Variants in EXOC2 observed in about 807,000 individuals in gnomAD.
EXOC2 encodes SEC5-like 1.
Under a neutral mutation model 131.8 loss-of-function variants are expected in EXOC2, and 70 were observed. The observed-to-expected ratio is 0.53, with a 90% CI of 0.44 to 0.65. EXOC2 has a LOEUF of 0.65. Ranked by LOEUF, EXOC2 falls within the 30% of genes least tolerant of loss-of-function variation. EXOC2 has a pLI of 0.00. For synonymous variants in EXOC2, 411 were observed against 398.4 expected (o/e 1.03, Z -0.38); for missense variants, 923 against 1,108.6 (o/e 0.83, Z 2.38).
chr6:555,538 T>C (rs1447187815), intron 19 of EXOC2, among the ~76,000 whole-genome samples: 1 of 152,186 alleles, frequency 6.6e-6, no homozygotes, highest in East Asian at 1.9e-4. Context: ...AATTATTAAG[T>C]TTGTAAAGAT....
At chr6:489,139 G>C in intron 26 of EXOC2, 101 bp from the exon 27 acceptor site, 1 of 1,074,284 alleles carries the variant, frequency 9.3e-7, no homozygotes, top group East Asian at 2.6e-5. Context: ...ATAAAAGCCA[G>C]TGAAGCAAGG....
At chr6:551,968 G>A (rs1483473923) in intron 21 of EXOC2, among the ~76,000 whole-genome samples, 1 of 152,306 alleles carries the variant, frequency 6.6e-6, no homozygotes, top group Non-Finnish European at 1.5e-5. Context: ...TGAGGGTAGG[G>A]TTCCCCAGCT....
intron 22 of EXOC2, among the ~76,000 whole-genome samples, chr6:545,247 T>C (rs1321979685): frequency 6.6e-6 from 1 of 151,760 alleles, no homozygotes; most frequent in Non-Finnish European, 1.5e-5. Context: ...AATCTGGAAG[T>C]ATACAAATTC....
At chr6:579,985 T>A (rs963799084) in intron 11 of EXOC2, among the ~76,000 whole-genome samples, 2 of 149,746 alleles carry the variant, frequency 1.3e-5, no homozygotes, top group Non-Finnish European at 3.0e-5. Context: ...ATGACAGCAA[T>A]ATCTCATTTA....
intron 1 of EXOC2, among the ~76,000 whole-genome samples, chr6:675,921 C>A (rs1357349895): frequency 2.7e-5 from 3 of 111,286 alleles, no homozygotes; most frequent in African/African-American, 6.3e-5. Flanking sequence ...CTGGAGACTG[C>A]GGTTTCCCAT....
intron 1 of EXOC2, among the ~76,000 whole-genome samples, chr6:643,243 C>T (rs561792318): frequency 1.3e-5 from 2 of 152,176 alleles, no homozygotes; most frequent in Admixed American, 1.3e-4. Flanking sequence ...ATGAACAGCA[C>T]TGTTGGTCAT....
At chr6:499,363 A>G (rs1408505942) in intron 24 of EXOC2, among the ~76,000 whole-genome samples, 2 of 152,064 alleles carry the variant, frequency 1.3e-5, no homozygotes, top group African/African-American at 4.8e-5. Context: ...TTCACCTTTC[A>G]AATATTTATG....
intron 21 of EXOC2, among the ~76,000 whole-genome samples, chr6:549,686 C>T (rs1757044939): frequency 1.3e-5 from 2 of 152,138 alleles, no homozygotes; most frequent in Non-Finnish European, 2.9e-5. Context: ...TTTTTAATAA[C>T]TAATTACATT....
intron 4 of EXOC2, among the ~76,000 whole-genome samples, chr6:626,768 T>C (rs1053920372): frequency 2.6e-5 from 4 of 152,052 alleles, no homozygotes; most frequent in African/African-American, 9.7e-5. Context: ...ATTTTTTGTA[T>C]TTTTAGTAGA....
Position 532,570 on chromosome 6 carries a change from AAG to A in EXOC2, c.2277_2278del (p.Phe760Ter). 1.2e-6 allele frequency: 2 copies of A among 1,608,930 alleles called. No individual in the cohort carries two copies. The highest frequency in any genetic ancestry group is 1.7e-6 in the Non-Finnish European group (2 of 1,178,392). ...TGCTTTCAACTCGATGTAATTTTCA[AAG>A]AGTCTTTGATCTAGTTCTTTCAATG... On this transcript the variant is annotated frameshift_variant, in exon 23 of 28. Coordinates refer to ENST00000230449, the MANE Select transcript of EXOC2 (RefSeq NM_018303.6). LOFTEE classifies it high-confidence loss of function.
chr6:681,309 TGG>T (rs1398589204), intron 1 of EXOC2, among the ~76,000 whole-genome samples: 1 of 152,220 alleles, frequency 6.6e-6, no homozygotes, highest in Non-Finnish European at 1.5e-5. Context: ...CGGTCACCTC[TGG>T]GTGACAAGAG....
chr6:690,493 G>A (rs531295037), intron 1 of EXOC2, among the ~76,000 whole-genome samples: 6 of 152,184 alleles, frequency 3.9e-5, no homozygotes, highest in Admixed American at 1.3e-4. Context: ...GGTGGATCAC[G>A]AGGTCCACCG....
chr6:617,827 T>G lies in EXOC2; in HGVS notation c.545A>C (p.Gln182Pro), dbSNP rs772460300. Residue 182 changes from glutamine to proline, a missense_variant, in exon 6 of 28, where the codon CAG (glutamine) becomes CCG (proline). Transcript: ENST00000230449. ...IENHSNTSFE[Q>P]LKMAVTNLKR... ...TAGGTTGGTGACTGCCATTTTGAGC[T>G]GCTCAAAACTGAAATGAAATAAAGA... 8.1e-6 allele frequency: 13 copies of G among 1,611,198 alleles called. No homozygotes were observed. The South Asian group carries it at 1.4e-4, about 18-fold the overall frequency.
At chr6:501,948 A>G (rs1764227904) in intron 23 of EXOC2, among the ~76,000 whole-genome samples, 1 of 151,920 alleles carries the variant, frequency 6.6e-6, no homozygotes, top group Non-Finnish European at 1.5e-5. Flanking sequence ...TCGTCTGGAG[A>G]CCAGAGAGGC....
intron 23 of EXOC2, among the ~76,000 whole-genome samples, chr6:509,496 T>C (rs928303300): frequency 1.3e-5 from 2 of 152,202 alleles, no homozygotes; most frequent in African/African-American, 4.8e-5. Flanking sequence ...TATATGCTCC[T>C]CCTCAGCTAT....
At chr6:570,935 A>G (rs1219536044) in intron 13 of EXOC2, among the ~76,000 whole-genome samples, 2 of 152,224 alleles carry the variant, frequency 1.3e-5, no homozygotes, top group Non-Finnish European at 2.9e-5. Context: ...GTCACTGTGC[A>G]GAGGGCAAGG....
intron 13 of EXOC2, among the ~76,000 whole-genome samples, chr6:565,958 G>C (rs751187636): frequency 6.2e-4 from 95 of 152,254 alleles, no homozygotes; most frequent in Non-Finnish European, 7.8e-4. Context: ...AGAACTATCA[G>C]ACAAACCTGA....
Position 598,710 on chromosome 6 carries a change from C to T in EXOC2, c.970+150G>A. 1.6e-5 allele frequency: 8 copies of T among 503,704 alleles called. 1 individual carries two copies. The highest frequency in any genetic ancestry group is 7.6e-5 in the South Asian group (3 of 39,502). The allele number at this position is 503,704 out of a possible 1,614,324, so 31.2% of individuals were successfully genotyped here. On this transcript the variant is annotated intron_variant, in intron 9 of 27. Coordinates refer to ENST00000230449, the MANE Select transcript of EXOC2 (RefSeq NM_018303.6). ...TGCGTATCAAATAAGAAAAGTCATACTGTTATTTCTGAAGTAATTGCTTTA... is the reference window on the plus strand; with the variant it reads ...TGCGTATCAAATAAGAAAAGTCATATTGTTATTTCTGAAGTAATTGCTTTA...
intron 22 of EXOC2, among the ~76,000 whole-genome samples, chr6:534,186 G>A (rs9502238): frequency 0.016 from 2,361 of 152,230 alleles, 64 homozygotes; most frequent in African/African-American, 0.053. Context: ...AAGACTAGAA[G>A]ATAAACCCAG....
Sources: allele counts gnomAD v4.1 joint callset (sites outside exome capture counted in the v4.1 genomes callset), GRCh38; gene constraint gnomAD v4.1.1; transcripts MANE v1.5; gene names NCBI Gene and HGNC (gene_info 2026-07-23, HGNC 2026-07-21).